The following SBSN variants were observed in gnomAD, a reference collection of about 807,000 sequenced individuals.
The protein encoded by SBSN is HLAR698.
In SBSN, 33 loss-of-function variants were observed where a neutral mutation model predicts 42.8. The observed-to-expected ratio is 0.77, with a 90% CI of 0.58 to 1.03. SBSN has a LOEUF of 1.03. Ranked by LOEUF, SBSN falls within the 50% of genes least tolerant of loss-of-function variation. The pLI is 0.00. For missense variants in SBSN, 646 were observed against 757.3 expected, an observed-to-expected ratio of 0.85 and a Z score of 1.72; for synonymous variants, 276 against 307.0, an observed-to-expected ratio of 0.90 and a Z score of 1.06.
chr19:35,526,580 A>AGG, intron 1 of SBSN, 64 bp downstream of exon 1: 1 of 553,330 alleles, frequency 1.8e-6, no homozygotes, highest in Non-Finnish European at 2.7e-6. Flanking sequence ...CAAATGTCCC[A>AGG]GGGGTTTAAC....
intron 1 of SBSN, among the ~76,000 whole-genome samples, chr19:35,526,002 A>G (rs1283255164): frequency 6.6e-6 from 1 of 152,074 alleles, no homozygotes; most frequent in Non-Finnish European, 1.5e-5. Flanking sequence ...CCCTACATAA[A>G]TGGGTAAGAG....
Position 35,526,676 on chromosome 19 carries a change from G to A in SBSN, c.1606C>T (p.Gln536Ter). The change falls in exon 1 of 4, where the codon CAA (glutamine) becomes TAA (stop). Residue 536 changes from glutamine to a stop codon, truncating the protein, a stop_gained. Transcript: ENST00000452271. LOFTEE classifies it high-confidence loss of function. Reference sequence around the variant, plus strand: ...AGCTGGTTGGCCTCCTTGCTGGCTTGGTTGACCCCATTATGAGCATTCTGC... The same window carrying A: ...AGCTGGTTGGCCTCCTTGCTGGCTTAGTTGACCCCATTATGAGCATTCTGC... Reference protein sequence around the residue: ...ELQNAHNGVNQASKEANQLLN... With the variant: ...ELQNAHNGVN The A allele has an allele frequency of 6.4e-7, 1 of 1,574,698 alleles. No homozygotes were observed. The highest frequency in any genetic ancestry group is 8.6e-7 in the Non-Finnish European group (1 of 1,159,976).
Position 35,528,307 on chromosome 19 carries a change from C to T in SBSN, c.-26G>A. 6.4e-7 allele frequency: 1 copy of T among 1,571,050 alleles called. No homozygotes were observed. ...ATTGCTGGGAAGGTCGGGAAGGATG[C>T]AGAGAGGAGCCAGGGAAGCCACGCT... On this transcript the variant is annotated 5_prime_UTR_variant, in exon 1 of 4. Transcript: ENST00000452271.
At position 35,528,051 on chromosome 19, in the gene SBSN, G is replaced by A. The variant is rs768567606; in HGVS notation, c.231C>T (p.Ser77=). ...KVFNGLSNMG[S]HTGKELDKGV... is the part of the protein sequence containing the mutation. ...CTTTGTCCAACTCCTTGCCGGTGTG[G>A]CTCCCCATGTTGCTAAGTCCGTTGA... is the stretch of plus-strand genomic sequence containing the variant. Residue 77 remains serine (S), a synonymous_variant, in exon 1 of 4, where the codon AGC becomes AGT. Coordinates refer to ENST00000452271, the MANE Select transcript of SBSN (RefSeq NM_001166034.2). 6.2e-7 allele frequency: 1 copy of A among 1,613,646 alleles called. No individual in the cohort carries two copies. Among genetic ancestry groups the A allele is most frequent in the East Asian group, 2.2e-5 (1 of 44,860 alleles).
chr19:35,527,745 C>T lies in SBSN; in HGVS notation c.537G>A (p.Gly179=), dbSNP rs2071398112. The T allele has an allele frequency of 6.3e-6, 10 of 1,575,078 alleles. No individual in the cohort carries two copies. Among genetic ancestry groups the T allele is most frequent in the Non-Finnish European group, 8.6e-6 (10 of 1,162,554 alleles). The change falls in exon 1 of 4, where the codon GGG becomes GGA. Residue 179 remains glycine (G), a synonymous_variant. Transcript: ENST00000452271. ...RFGQGVHHAA[G]QAGNEAGRFG... ...ACCTCCCAGCCTCATTTCCGGCCTG[C>T]CCTGCAGCATGGTGGACTCCCTGGC...
At position 35,525,998 on chromosome 19, in the gene SBSN, A is replaced by AGTTTC. The variant is rs553937929; in HGVS notation, c.1638+645_1638+646insGAAAC. ...TGAACCTGGCCTCTGTTCCCCCTAC[A>AGTTTC]TAAATGGGTAAGAGAAACCTTCCAG... On this transcript the variant is annotated intron_variant, in intron 1 of 3. Coordinates refer to ENST00000452271, the MANE Select transcript of SBSN (RefSeq NM_001166034.2). Among the ~76,000 whole-genome samples the AGTTTC allele has an allele frequency of 3.1e-3, 467 of 152,224 alleles. 1 individual carries two copies. The highest frequency in any genetic ancestry group is 5.8e-3 in the Non-Finnish European group (396 of 68,004).
Position 35,527,584 on chromosome 19 carries a change from C to G in SBSN, c.698G>C (p.Gly233Ala), listed in dbSNP as rs755031709. The G allele has an allele frequency of 8.6e-5, 131 of 1,529,442 alleles. No homozygotes were observed. The highest frequency in any genetic ancestry group is 1.9e-4 in the Admixed American group (9 of 48,440). 94.7% of individuals were successfully genotyped at this position (1,529,442 alleles called of 1,614,324 possible). A position where few individuals can be genotyped will look rare whatever the true frequency, so the allele number is the denominator to read the frequency against. The change falls in exon 1 of 4, where the codon GGT becomes GCT. Residue 233 changes from glycine (G) to alanine (A), a missense_variant. By Grantham distance (60) the Gly-to-Ala change is moderately conservative (BLOSUM62 0). Coordinates refer to ENST00000452271, the MANE Select transcript of SBSN (RefSeq NM_001166034.2). ...KFGQGIHHAAGQVGKEAEKFG... is the reference protein window; with the variant it reads ...KFGQGIHHAAAQVGKEAEKFG... ...CTTCTCTGCCTCCTTCCCAACCTGA[C>G]CGGCAGCATGGTGGATCCCCTGGCC...
chr19:35,523,367 T>C lies in SBSN; in HGVS notation c.*143A>G. On this transcript the variant is annotated 3_prime_UTR_variant, in exon 4 of 4. Coordinates refer to ENST00000452271, the MANE Select transcript of SBSN (RefSeq NM_001166034.2). ...CCCAGGGGACCACAATGAGACAGCA[T>C]AGTGTATCAAGTTTATTCACAAATC... 3.7e-6 allele frequency: 3 copies of C among 817,378 alleles called. No homozygotes were observed. In the East Asian group the frequency reaches 7.8e-5, roughly 21 times the overall value. 50.6% of individuals were successfully genotyped at this position (817,378 alleles called of 1,614,324 possible).
chr19:35,528,000 C>G lies in SBSN; in HGVS notation c.282G>C (p.Met94Ile). The G allele has an allele frequency of 1.9e-6, 3 of 1,613,896 alleles. No individual in the cohort carries two copies. The highest frequency in any genetic ancestry group is 8.5e-7 in the Non-Finnish European group (1 of 1,180,036). The change falls in exon 1 of 4, where the codon ATG becomes ATC. Residue 94 changes from methionine (M) to isoleucine (I), a missense_variant. Transcript: ENST00000452271. The stretch of plus-strand genomic sequence containing the variant: ...GGTTGATCTCATGGGCAACCTTGTC[C>G]ATGCCGTGGTTGAGCCCCTGGACGC... ...DKGVQGLNHG[M>I]DKVAHEINHG...
Position 35,526,813 on chromosome 19 carries a change from T to G in SBSN, c.1469A>C (p.Glu490Ala). 4.3e-6 allele frequency: 7 copies of G among 1,613,736 alleles called. No homozygotes were observed. Among genetic ancestry groups the G allele is most frequent in the Non-Finnish European group, 5.9e-6 (7 of 1,179,908 alleles). The part of the protein sequence containing the change: ...FHTGVHQAGK[E>A]AEKLGQGVNH... ...GACCCCTTGGCCAAGTTTCTCTGCT[T>G]CCTTCCCAGCCTGGTGGACCCCAGT... is the stretch of plus-strand genomic sequence containing the variant. Residue 490 changes from glutamate to alanine, a missense_variant, in exon 1 of 4, where the codon GAA becomes GCA. By Grantham distance (107) the Glu-to-Ala change is moderately radical. This residue lies in a region of SBSN where 236 missense variants were observed against 225.6 expected (regional missense o/e 1.05). Transcript: ENST00000452271.
intron 3 of SBSN, 129 bp from the exon 4 acceptor site, chr19:35,523,662 G>C: frequency 1.1e-6 from 1 of 871,246 alleles, no homozygotes; most frequent in Admixed American, 1.9e-5. Context: ...TATGTTCTGG[G>C]GAAGTTTCAG....
rs746529175 is a variant in SBSN, at chr19:35,527,541, G to A, written c.741C>T (p.His247=). Residue 247 remains histidine (H), a synonymous_variant, in exon 1 of 4, where the codon CAC becomes CAT. Coordinates refer to ENST00000452271, the MANE Select transcript of SBSN (RefSeq NM_001166034.2). ...CATTTCCGGCCTGCCCCGCAGCATG[G>A]TGGGCCCCCTGGCCAAACTTCTCTG... The part of the protein sequence containing the change: ...KEAEKFGQGA[H]HAAGQAGNEA... 1.3e-6 allele frequency: 2 copies of A among 1,524,524 alleles called. No homozygotes were observed. The highest frequency in any genetic ancestry group is 8.7e-7 in the Non-Finnish European group (1 of 1,145,254). 94.4% of individuals were successfully genotyped at this position (1,524,524 alleles called of 1,614,324 possible).
chr19:35,527,277 C>A lies in SBSN; in HGVS notation c.1005G>T (p.Gly335=). 6.5e-7 allele frequency: 1 copy of A among 1,533,464 alleles called. No individual in the cohort carries two copies. Among genetic ancestry groups the A allele is most frequent in the South Asian group, 1.2e-5 (1 of 83,814 alleles). 95.0% of individuals were successfully genotyped at this position (1,533,464 alleles called of 1,614,324 possible). A position where few individuals can be genotyped will look rare whatever the true frequency, so the allele number is the denominator to read the frequency against. Residue 335 remains glycine (G), a synonymous_variant, in exon 1 of 4, where the codon GGG becomes GGT. Coordinates refer to ENST00000452271, the MANE Select transcript of SBSN (RefSeq NM_001166034.2). Reference sequence around the variant, plus strand: ...AGCCCTCACTGAGACCATGGTGGACCCCCTGGCCAAACCTCCCAGCCTCAT... The same window carrying A: ...AGCCCTCACTGAGACCATGGTGGACACCCTGGCCAAACCTCCCAGCCTCAT... ...AGNEAGRFGQ[G]VHHGLSEGWK...
chr19:35,526,615 C>CCCCCCTCT, intron 1 of SBSN, 29 bp downstream of exon 1: 1 of 497,594 alleles, frequency 2.0e-6, no homozygotes, highest in Non-Finnish European at 3.5e-6. Context: ...ACCCCCCTGT[C>CCCCCCTCT]CCCCATCTCC....
At chr19:35,525,597 T>TC (rs1001958594) in intron 1 of SBSN, among the ~76,000 whole-genome samples, 1 of 152,038 alleles carries the variant, frequency 6.6e-6, no homozygotes, top group Non-Finnish European at 1.5e-5. Context: ...CCTCTCCTGC[T>TC]CCCCACGCTC....
chr19:35,526,786 T>C lies in SBSN; in HGVS notation c.1496A>G (p.Asn499Ser). 6.2e-7 allele frequency: 1 copy of C among 1,613,784 alleles called. No individual in the cohort carries two copies. Among genetic ancestry groups the C allele is most frequent in the Non-Finnish European group, 8.5e-7 (1 of 1,179,918 alleles). The change falls in exon 1 of 4, where the codon AAC (asparagine) becomes AGC (serine). Residue 499 changes from asparagine (N) to serine (S), a missense_variant. By Grantham distance (46) the Asn-to-Ser change is conservative (BLOSUM62 1). Coordinates refer to ENST00000452271, the MANE Select transcript of SBSN (RefSeq NM_001166034.2). ...KEAEKLGQGV[N>S]HAADQAGKEV... ...CTTTCCAGCCTGGTCAGCAGCATGGTTGACCCCTTGGCCAAGTTTCTCTGC... is the reference window on the plus strand; with the variant it reads ...CTTTCCAGCCTGGTCAGCAGCATGGCTGACCCCTTGGCCAAGTTTCTCTGC...
intron 1 of SBSN, 52 bp downstream of exon 1, chr19:35,526,592 T>G: frequency 1.4e-6 from 1 of 694,112 alleles, no homozygotes; most frequent in Non-Finnish European, 2.2e-6. Context: ...GGGTTTAACC[T>G]TTCCCTCCCC....
At chr19:35,526,558 C>T in intron 1 of SBSN, 86 bp downstream of exon 1, 1 of 1,187,418 alleles carries the variant, frequency 8.4e-7, no homozygotes. Context: ...TACGCGGACC[C>T]CCCCGCCCCG....
In SBSN at chr19:35,524,846, A is replaced by T; in HGVS notation, c.1704+13T>A. ...AGGGGCCTCCTCTCCCCTACCCCAGAGTCCGCGCTTACCCCAGAGGCTAAC... is the reference window on the plus strand; with the variant it reads ...AGGGGCCTCCTCTCCCCTACCCCAGTGTCCGCGCTTACCCCAGAGGCTAAC... On this transcript the variant is annotated intron_variant, in intron 2 of 3. Coordinates refer to ENST00000452271, the MANE Select transcript of SBSN (RefSeq NM_001166034.2). 1 of 1,614,028 alleles carries T rather than the reference A, an allele frequency of 6.2e-7. No individual in the cohort carries two copies. Among genetic ancestry groups the T allele is most frequent in the Non-Finnish European group, 8.5e-7 (1 of 1,179,972 alleles).
Sources: gnomAD v4.1 joint callset for allele counts (sites outside exome capture counted in the v4.1 genomes callset) on GRCh38, gnomAD v4.1.1 for gene constraint, gnomAD v4.1.1 regional missense constraint, MANE v1.5 for transcripts, NCBI Gene and HGNC (gene_info 2026-07-23, HGNC 2026-07-21) for gene names.